The following DPP8 variants were observed in gnomAD, a reference collection of about 807,000 sequenced individuals.
DPP8 encodes dipeptidyl peptidase 8, also known as DPP VIII.
A neutral mutation model predicts 107.5 loss-of-function variants in DPP8; 31 were observed. That is an observed-to-expected ratio of 0.29 (90% CI 0.22 to 0.39). The LOEUF (loss-of-function observed/expected upper bound fraction) is 0.39. Among genes scored for constraint, DPP8 ranks in the 10% least tolerant of loss-of-function variants. The probability of loss-of-function intolerance (pLI) is 1.00; values close to 1 mark genes in which losing one functional copy is unlikely to be tolerated. For missense variants in DPP8, 842 were observed against 1,076.1 expected (o/e 0.78, Z 3.04); for synonymous variants, 381 against 356.6 (o/e 1.07, Z -0.77).
chr15:65,499,105 G>GTGTGTGTGTGTGTGTGTATA (rs1555468189), intron 4 of DPP8, among the ~76,000 whole-genome samples: 78 of 138,820 alleles, frequency 5.6e-4, no homozygotes, highest in African/African-American at 2.0e-3. Context: ...GTGTGTGTGT[G>GTGTGTGTGTGTGTGTGTATA]TATATATAAA....
intron 8 of DPP8, among the ~76,000 whole-genome samples, chr15:65,483,187 T>C (rs1327060130): frequency 1.3e-5 from 2 of 151,910 alleles, no homozygotes; most frequent in African/African-American, 4.8e-5. Context: ...TTGGTGATAA[T>C]GTGGAGAAAC....
chr15:65,493,917 C>T (rs1463157961), intron 5 of DPP8, among the ~76,000 whole-genome samples: 3 of 152,022 alleles, frequency 2.0e-5, no homozygotes, highest in African/African-American at 7.3e-5. Flanking sequence ...CATTAACTCC[C>T]TACCTACTTT....
rs2065110163 is a variant in DPP8, at chr15:65,463,791, A to G, written c.1941T>C (p.Pro647=). The G allele has an allele frequency of 6.2e-7, 1 of 1,613,388 alleles. No homozygotes were observed. The highest frequency in any genetic ancestry group is 8.5e-7 in the Non-Finnish European group (1 of 1,179,368). The change falls in exon 15 of 20, where the codon CCT becomes CCC. Residue 647 remains proline (P), a synonymous_variant. Transcript: ENST00000300141. The part of the protein sequence containing the change: ...PHDLQPGKKY[P]TVLFIYGGPQ... ...GACCACCATATATGAACAGCACAGT[A>G]GGATATTTCTTTCCAGGCTGTAGAT...
At position 65,480,272 on chromosome 15, in the gene DPP8, A is replaced by T. The variant is rs1461547987; in HGVS notation, c.1246T>A (p.Ser416Thr). 6.2e-7 allele frequency: 1 copy of T among 1,613,824 alleles called. No homozygotes were observed. The highest frequency in any genetic ancestry group is 1.3e-5 in the African/African-American group (1 of 74,940). The change falls in exon 10 of 20, where the codon TCT becomes ACT. Residue 416 changes from serine (S) to threonine (T), a missense_variant. Around this residue, in one of 2 missense-constraint regions of DPP8, gnomAD observed 663 missense variants for 758.0 expected, o/e 0.87. Coordinates refer to ENST00000300141, the MANE Select transcript of DPP8 (RefSeq NM_130434.5). ...RQRLIESVPD[S>T]VTPLIIYEET... ...TCATAGATAATTAGTGGCGTCACAG[A>T]ATCAGGCACTGACTCAATGAGTCTC...
chr15:65,507,337 C>G lies in DPP8; in HGVS notation c.278G>C (p.Arg93Thr), dbSNP rs748933685. Reference sequence around the variant, plus strand: ...TTCAGAATAAAACAGTGTATTTTCTCTGTTCTCACCAGACATGGCTATAGG... The same window carrying G: ...TTCAGAATAAAACAGTGTATTTTCTGTGTTCTCACCAGACATGGCTATAGG... ...IYYLAMSGENRENTLFYSEIP... is the reference protein window; with the variant it reads ...IYYLAMSGENTENTLFYSEIP... The change falls in exon 3 of 20, where the codon AGA (arginine) becomes ACA (threonine). Residue 93 changes from arginine (R) to threonine (T), a missense_variant. Transcript: ENST00000300141. The G allele has an allele frequency of 6.2e-7, 1 of 1,606,522 alleles. No individual in the cohort carries two copies. Among genetic ancestry groups the G allele is most frequent in the Non-Finnish European group, 8.5e-7 (1 of 1,173,878 alleles).
rs868606806 is a variant in DPP8 at position 65,448,920 on chromosome 15, A to G, written c.2527-1914T>C. ...TATATATATATATATATATATATAT[A>G]TATTTAGCCTGGGTGTAGTGGCTCA... On this transcript the variant is annotated intron_variant, in intron 19 of 19. Coordinates refer to ENST00000300141, the MANE Select transcript of DPP8 (RefSeq NM_130434.5). Among the ~76,000 whole-genome samples, 54 of 90,892 alleles carry G rather than the reference A, an allele frequency of 5.9e-4. No individual in the cohort carries two copies. The Middle Eastern group carries it at 0.022, about 37-fold the overall frequency. The allele number at this position is 90,892 out of a possible 152,430, so 59.6% of individuals were successfully genotyped here. A position where few individuals can be genotyped will look rare whatever the true frequency, so the allele number is the denominator to read the frequency against.
chr15:65,456,486 G>GT (rs2064431200), intron 15 of DPP8, 115 bp from the exon 16 acceptor site: 2 of 1,068,408 alleles, frequency 1.9e-6, no homozygotes, highest in Admixed American at 2.8e-5. Flanking sequence ...CCTTTAAAAT[G>GT]TAATTTTTTA....
At chr15:65,453,902 G>GT (rs1402456876) in intron 17 of DPP8, among the ~76,000 whole-genome samples, 1 of 152,104 alleles carries the variant, frequency 6.6e-6, no homozygotes, top group East Asian at 1.9e-4. Context: ...GAGGTCAGGA[G>GT]TTTGAGACCA....
At chr15:65,464,346 G>C (rs2065164049) in intron 14 of DPP8, among the ~76,000 whole-genome samples, 1 of 151,262 alleles carries the variant, frequency 6.6e-6, no homozygotes, top group Non-Finnish European at 1.5e-5. Flanking sequence ...CTGGGTGACA[G>C]AGCGAGACTC....
chr15:65,487,634 G>A lies in DPP8; in HGVS notation c.955+56C>T. 3.9e-6 allele frequency: 6 copies of A among 1,548,954 alleles called. No individual in the cohort carries two copies. In the South Asian group the frequency reaches 7.2e-5, roughly 19 times the overall value. On this transcript the variant is annotated intron_variant, in intron 7 of 19. Transcript: ENST00000300141. ...CTACACCTTTGGATGACTACAGAAAGAATCTTATTTGGAAAGAGGAAATGA... is the reference window on the plus strand; with the variant it reads ...CTACACCTTTGGATGACTACAGAAAAAATCTTATTTGGAAAGAGGAAATGA...
chr15:65,494,027 T>A lies in DPP8; in HGVS notation c.716-3728A>T, dbSNP rs182443272. 5.3e-5 allele frequency among the ~76,000 whole-genome samples: 8 copies of A among 151,858 alleles called. No homozygotes were observed. The East Asian group carries it at 1.5e-3, about 29-fold the overall frequency. ...ATTAAAGCCTCCTAACAACCCTATGTTGATGTGCTATTAATTAATATCTGT... is the reference window on the plus strand; with the variant it reads ...ATTAAAGCCTCCTAACAACCCTATGATGATGTGCTATTAATTAATATCTGT... On this transcript the variant is annotated intron_variant, in intron 5 of 19. Transcript: ENST00000300141.
intron 14 of DPP8, among the ~76,000 whole-genome samples, chr15:65,465,167 C>CTTTTTTT (rs199937501): frequency 1.6e-5 from 2 of 127,746 alleles, no homozygotes; most frequent in African/African-American, 3.0e-5. Context: ...TTTGTTTTTT[C>CTTTTTTT]TTTTTTTTTT....
intron 6 of DPP8, among the ~76,000 whole-genome samples, chr15:65,488,603 C>CA (rs1166493197): frequency 0.058 from 2,496 of 42,782 alleles, 28 homozygotes; most frequent in East Asian, 0.096. Flanking sequence ...GACCCTGCCT[C>CA]AAAAAAAAAA....
chr15:65,446,340 T>C lies in DPP8; in HGVS notation c.*544A>G, dbSNP rs1178953820. 17 of 152,584 alleles carry C rather than the reference T, an allele frequency of 1.1e-4. No homozygotes were observed. The allele number at this position is 152,584 out of a possible 1,614,324, so 9.5% of individuals were successfully genotyped here. On this transcript the variant is annotated 3_prime_UTR_variant, in exon 20 of 20. Coordinates refer to ENST00000300141, the MANE Select transcript of DPP8 (RefSeq NM_130434.5). ...GGCCACTAAGTTATCCTTGAAAAATTATTAATGAATGACTGGTTAAGTCAA... is the reference window on the plus strand; with the variant it reads ...GGCCACTAAGTTATCCTTGAAAAATCATTAATGAATGACTGGTTAAGTCAA...
intron 15 of DPP8, chr15:65,459,677 AG>A (rs1161096822): frequency 6.6e-6 from 1 of 151,876 alleles, no homozygotes; most frequent in East Asian, 2.0e-4. Context: ...TGTTTTGGCC[AG>A]GTGCAGTGGC....
rs1464215142 is a variant in DPP8, at chr15:65,456,337, T to C, written c.2006A>G (p.Lys669Arg). The change falls in exon 16 of 20, where the codon AAG becomes AGG. Residue 669 changes from lysine to arginine, a missense_variant. By Grantham distance (26) the Lys-to-Arg change is conservative. This residue lies in a region of DPP8 where 179 missense variants were observed against 318.0 expected (regional missense o/e 0.56). Coordinates refer to ENST00000300141, the MANE Select transcript of DPP8 (RefSeq NM_130434.5). ...GGCTAGGGTATTCAAGCGGAAATAC[T>C]TGACTCCTTTAAACCGATTATTCAC... ...QLVNNRFKGV[K>R]YFRLNTLASL... The C allele has an allele frequency of 6.2e-7, 1 of 1,613,998 alleles. No homozygotes were observed. The highest frequency in any genetic ancestry group is 8.5e-7 in the Non-Finnish European group (1 of 1,180,016).
intron 16 of DPP8, chr15:65,455,851 G>C: frequency 7.7e-7 from 1 of 1,295,044 alleles, no homozygotes; most frequent in Non-Finnish European, 1.0e-6. Flanking sequence ...CCTGTAGAGA[G>C]AAAGAGGCTT....
intron 7 of DPP8, 30 bp downstream of exon 7, chr15:65,487,660 G>A (rs1268708890): frequency 6.3e-7 from 1 of 1,586,462 alleles, no homozygotes. Flanking sequence ...GAGGAAATGA[G>A]TGAATATAAA....
chr15:65,504,646 C>T (rs528677797), intron 3 of DPP8, among the ~76,000 whole-genome samples: 17 of 124,692 alleles, frequency 1.4e-4, no homozygotes, highest in Admixed American at 2.0e-4. Context: ...TCCAGCCTGG[C>T]GACAGAGCAA....
Sources: allele counts gnomAD v4.1 joint callset (sites outside exome capture counted in the v4.1 genomes callset), GRCh38; gene constraint gnomAD v4.1.1; regional missense constraint gnomAD v4.1.1; transcripts MANE v1.5; gene names NCBI Gene and HGNC (gene_info 2026-07-23, HGNC 2026-07-21).